IDE: variants seen among roughly 807,000 people sequenced by gnomAD.
The protein encoded by IDE is insulin degrading enzyme, also known as insulin-degrading enzyme.
In IDE, 58 loss-of-function variants were observed where a neutral mutation model predicts 133.2. The ratio of observed to expected loss-of-function variants is 0.44; its 90% CI spans 0.35 to 0.54. IDE has a LOEUF of 0.54. IDE is among the 20% of genes least tolerant of loss of function. IDE has a pLI of 0.00. For synonymous variants in IDE, 396 were observed against 421.3 expected, an observed-to-expected ratio of 0.94 and a Z score of 0.73; for missense variants, 981 against 1,234.0, an observed-to-expected ratio of 0.79 and a Z score of 3.07.
At chr10:92,458,492 T>TG in intron 22 of IDE, among the ~76,000 whole-genome samples, 1 of 57,184 alleles carries the variant, frequency 1.7e-5, no homozygotes, top group Non-Finnish European at 3.6e-5. Flanking sequence ...CTCTCTCTGT[T>TG]TTTTTTTTTT....
At position 92,455,940 on chromosome 10, in the gene IDE, G is replaced by C. The variant is rs188322003; in HGVS notation, c.2897-297C>G. Among the ~76,000 whole-genome samples, 618 of 152,272 alleles carry C rather than the reference G, an allele frequency of 4.1e-3. 4 individuals carry two copies. Among genetic ancestry groups the C allele is most frequent in the African/African-American group, 0.014 (581 of 41,526 alleles). On this transcript the variant is annotated intron_variant, in intron 23 of 24. Coordinates refer to ENST00000265986, the MANE Select transcript of IDE (RefSeq NM_004969.4). Reference sequence around the variant, plus strand: ...CTGTCCACCCAGAAGGACCTTGCTAGGTTTCTAAACTGTTAGTAAACTTAC... The same window carrying C: ...CTGTCCACCCAGAAGGACCTTGCTACGTTTCTAAACTGTTAGTAAACTTAC...
At chr10:92,498,361 A>G (rs1682083659) in intron 11 of IDE, among the ~76,000 whole-genome samples, 1 of 152,158 alleles carries the variant, frequency 6.6e-6, no homozygotes, top group Non-Finnish European at 1.5e-5. Context: ...GGGGGCTCAC[A>G]CCTATAATCC....
At chr10:92,569,384 A>G (rs950422328) in intron 1 of IDE, among the ~76,000 whole-genome samples, 5 of 152,256 alleles carry the variant, frequency 3.3e-5, no homozygotes, top group African/African-American at 9.6e-5. Context: ...TGATGTGATG[A>G]TAAGAATCAA....
chr10:92,547,658 T>C (rs1842590204), intron 1 of IDE, among the ~76,000 whole-genome samples: 1 of 152,186 alleles, frequency 6.6e-6, no homozygotes, highest in African/African-American at 2.4e-5. Context: ...TTTGGAATGC[T>C]CAACCTGTAT....
chr10:92,490,162 C>G (rs1259545938), intron 12 of IDE, among the ~76,000 whole-genome samples: 1 of 152,208 alleles, frequency 6.6e-6, no homozygotes, highest in Non-Finnish European at 1.5e-5. Context: ...CTCTTTGGAG[C>G]CCTTGCATTG....
At chr10:92,551,976 C>T (rs1044113216) in intron 1 of IDE, among the ~76,000 whole-genome samples, 2 of 151,978 alleles carry the variant, frequency 1.3e-5, no homozygotes, top group Admixed American at 1.3e-4. Flanking sequence ...TCTATACACA[C>T]ACACAAAAAG....
At chr10:92,568,811 T>C (rs1843664670) in intron 1 of IDE, among the ~76,000 whole-genome samples, 2 of 150,320 alleles carry the variant, frequency 1.3e-5, no homozygotes, top group Non-Finnish European at 1.5e-5. Context: ...GGCAGACTCT[T>C]TCTCAAAAAA....
intron 11 of IDE, among the ~76,000 whole-genome samples, chr10:92,492,474 G>C (rs1403715539): frequency 6.6e-6 from 1 of 152,132 alleles, no homozygotes; most frequent in African/African-American, 2.4e-5. Context: ...CTCACCAGTG[G>C]ACTCAACCAC....
At chr10:92,496,400 T>C (rs920377374) in intron 11 of IDE, among the ~76,000 whole-genome samples, 3 of 152,198 alleles carry the variant, frequency 2.0e-5, no homozygotes, top group African/African-American at 7.2e-5. Context: ...CTTATTTACC[T>C]GGTCTTTGAA....
In IDE at chr10:92,490,529, C is replaced by G. The variant is rs371602336; in HGVS notation, c.1497G>C (p.Gln499His). 1 of 1,612,396 alleles carries G rather than the reference C, an allele frequency of 6.2e-7. No individual in the cohort carries two copies. The highest frequency in any genetic ancestry group is 8.5e-7 in the Non-Finnish European group (1 of 1,178,462). The part of the protein sequence containing the change: ...TDRTEEWYGT[Q>H]YKQEAIPDEV... ...CATCCGGTATAGCTTCTTGTTTGTACTGGGTTCCATACCACTCTTCTGTGC... is the reference window on the plus strand; with the variant it reads ...CATCCGGTATAGCTTCTTGTTTGTAGTGGGTTCCATACCACTCTTCTGTGC... Residue 499 changes from glutamine (Q) to histidine (H), a missense_variant, in exon 12 of 25, where the codon CAG becomes CAC. Coordinates refer to ENST00000265986, the MANE Select transcript of IDE (RefSeq NM_004969.4).
intron 1 of IDE, among the ~76,000 whole-genome samples, chr10:92,564,736 G>C (rs900697213): frequency 8.8e-6 from 1 of 114,094 alleles, no homozygotes; most frequent in South Asian, 2.9e-4. Flanking sequence ...ATGTCCATAG[G>C]ACCATAAGAT....
chr10:92,495,259 T>TG (rs1847617617), intron 11 of IDE, among the ~76,000 whole-genome samples: 1 of 145,874 alleles, frequency 6.9e-6, no homozygotes, highest in Non-Finnish European at 1.5e-5. Flanking sequence ...CTCACTCTGT[T>TG]GCCCAGGCTG....
chr10:92,464,657 TC>T (rs1310308044), intron 20 of IDE, among the ~76,000 whole-genome samples: 1 of 152,128 alleles, frequency 6.6e-6, no homozygotes, highest in Non-Finnish European at 1.5e-5. Context: ...GTTTCTATCT[TC>T]AACATAGCCA....
At chr10:92,462,208 C>T (rs1252377925) in intron 21 of IDE, among the ~76,000 whole-genome samples, 1 of 150,120 alleles carries the variant, frequency 6.7e-6, no homozygotes, top group Admixed American at 6.7e-5. Flanking sequence ...CCTAGCTACT[C>T]GGGAGAGGCT....
intron 4 of IDE, among the ~76,000 whole-genome samples, chr10:92,525,909 A>G (rs1343797177): frequency 3.3e-5 from 5 of 152,006 alleles, no homozygotes; most frequent in Non-Finnish European, 7.4e-5. Context: ...CTAATCCCAG[A>G]ACTTTGGGAG....
chr10:92,472,120 T>C (rs1232773824), intron 17 of IDE, among the ~76,000 whole-genome samples: 1 of 152,142 alleles, frequency 6.6e-6, no homozygotes, highest in Non-Finnish European at 1.5e-5. Flanking sequence ...TAGGAGTATA[T>C]ATATCAAAAT....
chr10:92,502,602 T>A (rs11187033), intron 11 of IDE, among the ~76,000 whole-genome samples: 43,717 of 152,130 alleles, frequency 0.29, 7,798 homozygotes, highest in East Asian at 0.67. Flanking sequence ...CATATATCAC[T>A]TTAAACCATT....
chr10:92,533,387 A>G (rs560064626), intron 3 of IDE, among the ~76,000 whole-genome samples: 1 of 152,192 alleles, frequency 6.6e-6, no homozygotes, highest in Non-Finnish European at 1.5e-5. Context: ...TAAGTAGGAA[A>G]CAGACTACTT....
chr10:92,466,294 C>T (rs114472061), intron 19 of IDE, among the ~76,000 whole-genome samples: 5 of 150,742 alleles, frequency 3.3e-5, no homozygotes, highest in African/African-American at 1.2e-4. Flanking sequence ...CTCTCCCTCA[C>T]CCACCTCACA....
Sources: gnomAD v4.1 joint callset for allele counts (sites outside exome capture counted in the v4.1 genomes callset) on GRCh38, gnomAD v4.1.1 for gene constraint, MANE v1.5 for transcripts, NCBI Gene and HGNC (gene_info 2026-07-23, HGNC 2026-07-21) for gene names.